The following ANO4 variants were observed in gnomAD, a reference collection of about 807,000 sequenced individuals.
The protein encoded by ANO4 is anoctamin-4.
In ANO4, 69 loss-of-function variants were observed where a neutral mutation model predicts 141.9. The observed-to-expected ratio is 0.49, with a 90% CI of 0.40 to 0.59. ANO4 has a LOEUF of 0.59. Ranked by LOEUF, ANO4 falls within the 20% of genes least tolerant of loss-of-function variation. The pLI, the probability that ANO4 is intolerant of heterozygous loss-of-function variation, is 0.00. For synonymous variants in ANO4, 350 were observed against 394.3 expected, an observed-to-expected ratio of 0.89 and a Z score of 1.33; for missense variants, 894 against 1,162.2, an observed-to-expected ratio of 0.77 and a Z score of 3.36.
At chr12:100,757,579 C>T (rs1377000788) in intron 3 of ANO4, among the ~76,000 whole-genome samples, 1 of 152,188 alleles carries the variant, frequency 6.6e-6, no homozygotes, top group African/African-American at 2.4e-5. Flanking sequence ...GGTGGAGCCA[C>T]TGCTGACTTT....
chr12:100,787,217 T>A (rs553028752), intron 3 of ANO4, among the ~76,000 whole-genome samples: 3 of 132,084 alleles, frequency 2.3e-5, no homozygotes, highest in African/African-American at 7.9e-5. Flanking sequence ...ATTGGGGACA[T>A]GCAGATGGAC....
At chr12:101,106,153 G>C (rs1467490877) in intron 22 of ANO4, among the ~76,000 whole-genome samples, 1 of 152,014 alleles carries the variant, frequency 6.6e-6, no homozygotes, top group Non-Finnish European at 1.5e-5. Flanking sequence ...GCGTAAGACA[G>C]TAAATTAGTG....
intron 14 of ANO4, among the ~76,000 whole-genome samples, chr12:101,058,018 C>T (rs910147941): frequency 3.3e-5 from 5 of 152,136 alleles, no homozygotes; most frequent in Middle Eastern, 3.4e-3. Flanking sequence ...ATTTTTTAAC[C>T]GATCTTGAAT....
chr12:100,814,930 G>T (rs1226092853), intron 1 of ANO4, among the ~76,000 whole-genome samples: 2 of 152,130 alleles, frequency 1.3e-5, no homozygotes, highest in Non-Finnish European at 2.9e-5. Flanking sequence ...GGGAGAGGGG[G>T]CTGCAGGGAG....
intron 22 of ANO4, among the ~76,000 whole-genome samples, chr12:101,102,651 T>G (rs991470934): frequency 1.3e-5 from 2 of 152,134 alleles, no homozygotes; most frequent in African/African-American, 4.8e-5. Context: ...GTGGTTGGCT[T>G]GACTTCTCAT....
chr12:100,860,065 T>C (rs1341800938), intron 1 of ANO4, among the ~76,000 whole-genome samples: 1 of 152,106 alleles, frequency 6.6e-6, no homozygotes, highest in Non-Finnish European at 1.5e-5. Flanking sequence ...AAAGAAGCAG[T>C]TTAATGTGGA....
intron 1 of ANO4, among the ~76,000 whole-genome samples, chr12:100,841,424 C>T (rs780079546): frequency 1.1e-4 from 16 of 152,090 alleles, no homozygotes; most frequent in Middle Eastern, 3.2e-3. Context: ...CCACAGAGCT[C>T]GTATTCTAAT....
intron 25 of ANO4, among the ~76,000 whole-genome samples, chr12:101,118,496 G>A (rs2050946737): frequency 6.6e-6 from 1 of 152,164 alleles, no homozygotes. Context: ...TTTCAGGTTT[G>A]TTTTCAGTCA....
At chr12:100,825,983 G>A (rs1035066468) in intron 1 of ANO4, among the ~76,000 whole-genome samples, 3 of 151,968 alleles carry the variant, frequency 2.0e-5, no homozygotes, top group Non-Finnish European at 4.4e-5. Flanking sequence ...ACTGGCTTGG[G>A]AATGCACATC....
At chr12:100,803,396 A>C (rs1214988957) in intron 1 of ANO4, among the ~76,000 whole-genome samples, 1 of 152,238 alleles carries the variant, frequency 6.6e-6, no homozygotes, top group Admixed American at 6.5e-5. Flanking sequence ...CAACATTTAC[A>C]AGAACAAATT....
At chr12:101,014,038 T>TGTAG (rs2046213180) in intron 8 of ANO4, among the ~76,000 whole-genome samples, 2 of 152,200 alleles carry the variant, frequency 1.3e-5, no homozygotes, top group Admixed American at 1.3e-4. Context: ...TCTATGAAGG[T>TGTAG]GTAGGTTCCT....
At chr12:101,098,888 C>G (rs1486686093) in intron 21 of ANO4, among the ~76,000 whole-genome samples, 1 of 152,100 alleles carries the variant, frequency 6.6e-6, no homozygotes, top group African/African-American at 2.4e-5. Flanking sequence ...TTTGGCCCTT[C>G]TACTCCTGGA....
intron 3 of ANO4, among the ~76,000 whole-genome samples, chr12:100,754,561 G>T (rs1476972893): frequency 6.6e-6 from 1 of 151,988 alleles, no homozygotes; most frequent in East Asian, 1.9e-4. Context: ...ATTCCACTCT[G>T]GGTATATATC....
At chr12:100,731,000 TA>T (rs2031359250) in intron 1 of ANO4, among the ~76,000 whole-genome samples, 1 of 152,176 alleles carries the variant, frequency 6.6e-6, no homozygotes, top group Non-Finnish European at 1.5e-5. Context: ...AGATGACTCC[TA>T]TTTCCTGGCT....
intron 18 of ANO4, among the ~76,000 whole-genome samples, chr12:101,095,594 A>T (rs552730761): frequency 6.6e-6 from 1 of 152,260 alleles, no homozygotes; most frequent in East Asian, 1.9e-4. Flanking sequence ...ATTTACTTTC[A>T]TTCTCCCTTC....
At position 100,942,546 on chromosome 12, in the gene ANO4, T is replaced by C. The variant is rs773437085; in HGVS notation, c.456+11T>C. The C allele has an allele frequency of 1.2e-6, 2 of 1,608,934 alleles. No individual in the cohort carries two copies. Among genetic ancestry groups the C allele is most frequent in the Admixed American group, 3.4e-5 (2 of 58,722 alleles). On this transcript the variant is annotated intron_variant, in intron 5 of 27. Coordinates refer to ENST00000392977, the MANE Select transcript of ANO4 (RefSeq NM_001286615.2). ...CAAATGGAGAAAGAGGTAAATAGTT[T>C]GCTTGGATGAGAAAAAAATATATAC...
Position 100,880,900 on chromosome 12 carries a change from G to A in ANO4, c.-140-20746G>A, listed in dbSNP as rs992167335. On this transcript the variant is annotated intron_variant, in intron 1 of 27. Transcript: ENST00000392977. ...CCCCTCTTTGTATCCCCACAACAAT[G>A]CATATTTTCATCTAGTGTACTCTTA... is the stretch of plus-strand genomic sequence containing the variant. Among the ~76,000 whole-genome samples the A allele has an allele frequency of 5.3e-5, 8 of 152,064 alleles. 1 individual carries two copies. Among genetic ancestry groups the A allele is most frequent in the African/African-American group, 1.9e-4 (8 of 41,398 alleles).
chr12:100,972,782 C>T (rs1173434889), intron 6 of ANO4, among the ~76,000 whole-genome samples: 1 of 151,918 alleles, frequency 6.6e-6, no homozygotes, highest in South Asian at 2.1e-4. Context: ...ATTTATACAC[C>T]CCTCTCCAGT....
intron 1 of ANO4, among the ~76,000 whole-genome samples, chr12:100,900,911 A>G (rs1250415393): frequency 6.6e-6 from 1 of 152,206 alleles, no homozygotes; most frequent in Non-Finnish European, 1.5e-5. Flanking sequence ...ATGGTGAACA[A>G]TGAGTGTTTT....
Sources: gnomAD v4.1 joint callset for allele counts (sites outside exome capture counted in the v4.1 genomes callset) on GRCh38, gnomAD v4.1.1 for gene constraint, MANE v1.5 for transcripts, NCBI Gene and HGNC (gene_info 2026-07-23, HGNC 2026-07-21) for gene names.